RUFY1: variants seen among roughly 807,000 people sequenced by gnomAD.
RUFY1 encodes the protein RUN and FYVE domain-containing protein 1.
A neutral mutation model predicts 94.6 loss-of-function variants in RUFY1; 54 were observed. The observed-to-expected ratio is 0.57, with a 90% CI of 0.46 to 0.72. The LOEUF is 0.72. Among genes scored for constraint, RUFY1 ranks in the 30% least tolerant of loss-of-function variants. The pLI is 0.00. For synonymous variants in RUFY1, 396 were observed against 347.3 expected (o/e 1.14, Z -1.56); for missense variants, 883 against 883.9 (o/e 1.00, Z 0.01).
intron 14 of RUFY1, among the ~76,000 whole-genome samples, chr5:179,601,565 AATC>A: frequency 6.6e-6 from 1 of 151,098 alleles, no homozygotes; most frequent in African/African-American, 2.4e-5. Flanking sequence ...TCACGCCTGT[AATC>A]CCAGCACTTT....
At position 179,598,841 on chromosome 5, in the gene RUFY1, G is replaced by C; in HGVS notation, c.1761+20G>C. 6.2e-7 allele frequency: 1 copy of C among 1,613,886 alleles called. No homozygotes were observed. The highest frequency in any genetic ancestry group is 8.5e-7 in the Non-Finnish European group (1 of 1,179,878). The stretch of plus-strand genomic sequence containing the variant: ...AAAAAGGTGAGGTGGGCCATCCCGG[G>C]AGAGGAGAGCCTCTGGCAGCCTCCA... On this transcript the variant is annotated intron_variant, in intron 14 of 17. Coordinates refer to ENST00000319449, the MANE Select transcript of RUFY1 (RefSeq NM_025158.5).
Position 179,609,595 on chromosome 5 carries a change from C to A in RUFY1, c.*76C>A, listed in dbSNP as rs1767518726. 2 of 1,352,076 alleles carry A rather than the reference C, an allele frequency of 1.5e-6. No homozygotes were observed. The highest frequency in any genetic ancestry group is 1.4e-5 in the South Asian group (1 of 69,648). The allele number at this position is 1,352,076 out of a possible 1,614,324, so 83.8% of individuals were successfully genotyped here. On this transcript the variant is annotated 3_prime_UTR_variant, in exon 18 of 18. Transcript: ENST00000319449. Reference sequence around the variant, plus strand: ...TCTCCAGGGGCTTGGGAAATGTGTTCTTTCCCAAGAGTATCAAAGGAAAGA... The same window carrying A: ...TCTCCAGGGGCTTGGGAAATGTGTTATTTCCCAAGAGTATCAAAGGAAAGA...
chr5:179,598,411 G>A, intron 13 of RUFY1: 1 of 389,602 alleles, frequency 2.6e-6, no homozygotes, highest in Admixed American at 4.3e-5. Context: ...AGGTCTCCAT[G>A]TCGGGAGGGT....
At chr5:179,608,310 C>CACAGCT in intron 17 of RUFY1, 1 of 985,662 alleles carries the variant, frequency 1.0e-6, no homozygotes, top group Non-Finnish European at 1.2e-6. Context: ...GAGAGGAAGC[C>CACAGCT]ACAGCTACCC....
chr5:179,581,538 C>T (rs895993082), intron 7 of RUFY1, among the ~76,000 whole-genome samples: 3 of 148,024 alleles, frequency 2.0e-5, no homozygotes, highest in African/African-American at 7.5e-5. Flanking sequence ...ACATGTTATT[C>T]CCTTTCTGAG....
chr5:179,585,997 G>A lies in RUFY1; in HGVS notation c.1026+132G>A, dbSNP rs1037381831. 2.4e-5 allele frequency: 17 copies of A among 701,576 alleles called. No individual in the cohort carries two copies. In the Admixed American group the frequency reaches 3.2e-4, roughly 13 times the overall value. The allele number at this position is 701,576 out of a possible 1,614,324, so 43.5% of individuals were successfully genotyped here. A position where few individuals can be genotyped will look rare whatever the true frequency, so the allele number is the denominator to read the frequency against. ...ACTTGCTAGCCTCCAGCTACCCCAC[G>A]TGGGACAGGAGAATGTCTGTGTTCT... On this transcript the variant is annotated intron_variant, in intron 8 of 17. Transcript: ENST00000319449.
At chr5:179,594,518 C>T (rs200064868) in intron 11 of RUFY1, among the ~76,000 whole-genome samples, 1 of 144,838 alleles carries the variant, frequency 6.9e-6, no homozygotes, top group East Asian at 2.1e-4. Context: ...TCCCAGCACT[C>T]TGGGAGGCCA....
In RUFY1 at chr5:179,593,341, G is replaced by A. The variant is rs1373398442; in HGVS notation, c.1246-137G>A. 9 of 981,956 alleles carry A rather than the reference G, an allele frequency of 9.2e-6. No individual in the cohort carries two copies. In the Admixed American group the frequency reaches 1.4e-4, roughly 15 times the overall value. 60.8% of individuals were successfully genotyped at this position (981,956 alleles called of 1,614,324 possible). A position where few individuals can be genotyped will look rare whatever the true frequency, so the allele number is the denominator to read the frequency against. On this transcript the variant is annotated intron_variant, in intron 10 of 17. Transcript: ENST00000319449. Reference sequence around the variant, plus strand: ...GATCCGCCCACCTCAGCCTCCCAAAGTGCTGAGGATTACAGGCATGAGCCA... The same window carrying A: ...GATCCGCCCACCTCAGCCTCCCAAAATGCTGAGGATTACAGGCATGAGCCA...
intron 4 of RUFY1, among the ~76,000 whole-genome samples, chr5:179,568,406 A>G (rs1222062271): frequency 6.6e-6 from 1 of 152,244 alleles, no homozygotes; most frequent in African/African-American, 2.4e-5. Flanking sequence ...GCTTTCTTGT[A>G]ATTGAGAAAT....
Position 179,550,615 on chromosome 5 carries a change from C to G in RUFY1, c.46C>G (p.Leu16Val), listed in dbSNP as rs1221217057. Residue 16 changes from leucine (L) to valine (V), a missense_variant, in exon 1 of 18, where the codon CTG (leucine) becomes GTG (valine). Leu to Val is a conservative substitution (Grantham distance 32). Transcript: ENST00000319449. ...CTGCGCTGCTGGGCGGGGGCGGGAG[C>G]TGGAGCCGGAGCTGGAGCCGGGGCC... ...GGCAAGRGRE[L>V]EPELEPGPGP... 7.4e-7 allele frequency: 1 copy of G among 1,344,844 alleles called. No homozygotes were observed. 83.3% of individuals were successfully genotyped at this position (1,344,844 alleles called of 1,614,324 possible). A position where few individuals can be genotyped will look rare whatever the true frequency, so the allele number is the denominator to read the frequency against.
chr5:179,563,280 T>C (rs1373770041), intron 3 of RUFY1, among the ~76,000 whole-genome samples: 1 of 152,152 alleles, frequency 6.6e-6, no homozygotes, highest in Non-Finnish European at 1.5e-5. Flanking sequence ...CCTATTCCAT[T>C]TTCAGATAAT....
At chr5:179,575,435 C>T (rs1173485466) in intron 5 of RUFY1, among the ~76,000 whole-genome samples, 2 of 152,138 alleles carry the variant, frequency 1.3e-5, no homozygotes, top group Non-Finnish European at 2.9e-5. Context: ...TGGTCTCCAG[C>T]ATTGTGGCTT....
Position 179,598,091 on chromosome 5 carries a change from G to A in RUFY1, c.1632-601G>A, listed in dbSNP as rs188839664. Among the ~76,000 whole-genome samples the A allele has an allele frequency of 2.3e-3, 356 of 152,356 alleles. 2 individuals are homozygous for A. The highest frequency in any genetic ancestry group is 3.2e-3 in the Non-Finnish European group (218 of 68,038). On this transcript the variant is annotated intron_variant, in intron 13 of 17. Transcript: ENST00000319449. ...TGTAATCCCAGCTACTAGGGAGGCT[G>A]AGGCAGGAGACTAGCTTGAACCCAG...
chr5:179,585,980 GC>G (rs1231435854), intron 8 of RUFY1, 115 bp downstream of exon 8: 11 of 790,000 alleles, frequency 1.4e-5, no homozygotes, highest in Non-Finnish European at 2.2e-5. Context: ...GGACTTGCTA[GC>G]CTCCAGCTAC....
At chr5:179,592,019 C>T (rs1765158139) in intron 10 of RUFY1, among the ~76,000 whole-genome samples, 1 of 152,202 alleles carries the variant, frequency 6.6e-6, no homozygotes. Flanking sequence ...GATCTTGGCC[C>T]ACTGCAAACT....
chr5:179,601,004 CTA>C (rs1380994602), intron 14 of RUFY1, among the ~76,000 whole-genome samples: 1 of 151,696 alleles, frequency 6.6e-6, no homozygotes, highest in Non-Finnish European at 1.5e-5. Flanking sequence ...CTGAGGGTAA[CTA>C]TTTTTAATGT....
At chr5:179,582,872 C>G (rs1764270617) in intron 7 of RUFY1, among the ~76,000 whole-genome samples, 1 of 151,846 alleles carries the variant, frequency 6.6e-6, no homozygotes, top group East Asian at 1.9e-4. Context: ...AAAAATAAAC[C>G]TGACTTGCTG....
chr5:179,582,549 T>A (rs1477242338), intron 7 of RUFY1, among the ~76,000 whole-genome samples: 1 of 152,158 alleles, frequency 6.6e-6, no homozygotes, highest in Non-Finnish European at 1.5e-5. Context: ...CATAATTCAA[T>A]TATCCTTTTA....
At chr5:179,567,414 TTTG>T (rs751199266) in intron 3 of RUFY1, 44 bp from the exon 4 acceptor site, 14 of 1,414,154 alleles carry the variant, frequency 9.9e-6, no homozygotes, top group East Asian at 6.8e-5. Flanking sequence ...CTTTTCTGTG[TTTG>T]TTGTTGTTAT....
Sources: allele counts gnomAD v4.1 joint callset (sites outside exome capture counted in the v4.1 genomes callset), GRCh38; gene constraint gnomAD v4.1.1; transcripts MANE v1.5; gene names NCBI Gene and HGNC (gene_info 2026-07-23, HGNC 2026-07-21).